GALNT12: variants seen among roughly 807,000 people sequenced by gnomAD.
GALNT12 encodes UDP-GalNAc:polypeptide N-acetylgalactosaminyltransferase 12.
In GALNT12, 45 loss-of-function variants were observed where a neutral mutation model predicts 55.5. That is an observed-to-expected ratio of 0.81 (90% CI 0.64 to 1.04). GALNT12 has a LOEUF of 1.04. Among genes scored for constraint, GALNT12 ranks in the 50% least tolerant of loss-of-function variants. The probability of loss-of-function intolerance (pLI) is 0.00; values close to 1 mark genes in which losing one functional copy is unlikely to be tolerated. For missense variants in GALNT12, 709 were observed against 754.8 expected, an observed-to-expected ratio of 0.94 and a Z score of 0.71; for synonymous variants, 304 against 312.2, an observed-to-expected ratio of 0.97 and a Z score of 0.28.
chr9:98,832,187 A>G (rs1836015522), intron 4 of GALNT12, among the ~76,000 whole-genome samples: 1 of 152,212 alleles, frequency 6.6e-6, no homozygotes, highest in African/African-American at 2.4e-5. Context: ...GTGGTAAAAT[A>G]TACATCATAG....
rs2118450955 is a variant in GALNT12, at chr9:98,837,032, C to T, written c.1096C>T (p.Pro366Ser). ...HPCSHVGHVF[P>S]KQAPYSRNKA... ...ATGTTCCCATGTTGGCCATGTTTTC[C>T]CCAAGCAAGCTCCCTACTCCCGCAA... Residue 366 changes from proline to serine, a missense_variant, in exon 6 of 10, where the codon CCC becomes TCC. Transcript: ENST00000375011. 2 of 1,614,150 alleles carry T rather than the reference C, an allele frequency of 1.2e-6. No homozygotes were observed. Among genetic ancestry groups the T allele is most frequent in the South Asian group, 1.1e-5 (1 of 91,082 alleles).
rs1836493728 is a variant in GALNT12, at chr9:98,849,194, C to T, written c.*102C>T. On this transcript the variant is annotated 3_prime_UTR_variant, in exon 10 of 10. Transcript: ENST00000375011. ...TGACCAGAACCCACCAAAAACTAGG[C>T]TGCATTGCTTTGAAGAGGCAATCAT... 1.6e-6 allele frequency: 2 copies of T among 1,220,946 alleles called. No homozygotes were observed. Among genetic ancestry groups the T allele is most frequent in the Non-Finnish European group, 2.4e-6 (2 of 831,544 alleles). The allele number at this position is 1,220,946 out of a possible 1,614,324, so 75.6% of individuals were successfully genotyped here.
At chr9:98,841,374 C>T (rs1405922943) in intron 7 of GALNT12, among the ~76,000 whole-genome samples, 2 of 152,144 alleles carry the variant, frequency 1.3e-5, no homozygotes, top group Non-Finnish European at 2.9e-5. Context: ...ATATCAGGAG[C>T]ATAGGAAGTA....
At chr9:98,823,161 C>T in intron 1 of GALNT12, 95 bp from the exon 2 acceptor site, 1 of 1,132,828 alleles carries the variant, frequency 8.8e-7, no homozygotes, top group Non-Finnish European at 1.3e-6. Flanking sequence ...TGTCCCCTTC[C>T]GCAGGGGACC....
intron 3 of GALNT12, among the ~76,000 whole-genome samples, chr9:98,829,467 G>C (rs1047997369): frequency 6.6e-6 from 1 of 152,134 alleles, no homozygotes; most frequent in African/African-American, 2.4e-5. Flanking sequence ...GGGATTACAG[G>C]CATGAACCAC....
chr9:98,813,479 G>A (rs553880747), intron 1 of GALNT12, among the ~76,000 whole-genome samples: 56 of 151,720 alleles, frequency 3.7e-4, no homozygotes, highest in African/African-American at 1.2e-3. Context: ...CTTTCCTGTC[G>A]GCTAAGCCAT....
chr9:98,846,934 T>C (rs1357929869), intron 9 of GALNT12, among the ~76,000 whole-genome samples: 1 of 152,068 alleles, frequency 6.6e-6, no homozygotes, highest in East Asian at 1.9e-4. Context: ...GAAATATTCT[T>C]TGGAAACTAT....
Position 98,831,907 on chromosome 9 carries a change from A to G in GALNT12, c.867A>G (p.Thr289=), listed in dbSNP as rs762111226. 2.5e-6 allele frequency: 4 copies of G among 1,614,154 alleles called. No individual in the cohort carries two copies. The highest frequency in any genetic ancestry group is 2.2e-5 in the South Asian group (2 of 91,076). The change falls in exon 4 of 10, where the codon ACA becomes ACG. Residue 289 remains threonine (T), a synonymous_variant. Coordinates refer to ENST00000375011, the MANE Select transcript of GALNT12 (RefSeq NM_024642.5). ...FDWRLVFTWH[T]VPERERIRMQ... ...GGAGGCTGGTGTTCACGTGGCACAC[A>G]GTTCCTGAGAGGGAGAGGATACGGA...
Position 98,823,292 on chromosome 9 carries a change from C to G in GALNT12, c.408C>G (p.Pro136=), listed in dbSNP as rs2118354751. Residue 136 remains proline (P), a synonymous_variant, in exon 2 of 10, where the codon CCC becomes CCG. Transcript: ENST00000375011. ...AGAAATATGATTATGATAATTTGCC[C>G]AGGACATCTGTTATCATAGCATTTT... ...KEKKYDYDNL[P]RTSVIIAFYN... The G allele has an allele frequency of 1.2e-6, 2 of 1,614,152 alleles. No individual in the cohort carries two copies. The highest frequency in any genetic ancestry group is 1.7e-6 in the Non-Finnish European group (2 of 1,179,956).
chr9:98,824,367 C>A (rs1300720375), intron 2 of GALNT12, among the ~76,000 whole-genome samples: 1 of 152,118 alleles, frequency 6.6e-6, no homozygotes, highest in East Asian at 1.9e-4. Flanking sequence ...TCACCTCCTA[C>A]TCACTCTGGT....
chr9:98,844,058 A>G, intron 7 of GALNT12, 38 bp from the exon 8 acceptor site: 2 of 1,425,294 alleles, frequency 1.4e-6, no homozygotes, highest in South Asian at 2.3e-5. Context: ...TAGTGTCTAT[A>G]AATCTGGACT....
chr9:98,815,343 C>T (rs867234950), intron 1 of GALNT12, among the ~76,000 whole-genome samples: 1 of 152,078 alleles, frequency 6.6e-6, no homozygotes, highest in Non-Finnish European at 1.5e-5. Flanking sequence ...TGATTTTGCC[C>T]AACTATAGAC....
rs1316883841 is a variant in GALNT12, at chr9:98,831,798, T to C, written c.758T>C (p.Val253Ala). 2.0e-5 allele frequency: 33 copies of C among 1,614,064 alleles called. No individual in the cohort carries two copies. Among genetic ancestry groups the C allele is most frequent in the Non-Finnish European group, 2.7e-5 (32 of 1,180,038 alleles). ...ATCCATGAAGAGGAGTCGGCAGTGGTGTGCCCGGTGATTGATGTGATCGAC... is the reference window on the plus strand; with the variant it reads ...ATCCATGAAGAGGAGTCGGCAGTGGCGTGCCCGGTGATTGATGTGATCGAC... ...QRIHEEESAVVCPVIDVIDWN... is the reference protein window; with the variant it reads ...QRIHEEESAVACPVIDVIDWN... The change falls in exon 4 of 10, where the codon GTG becomes GCG. Residue 253 changes from valine (V) to alanine (A), a missense_variant. This residue lies in a region of GALNT12 where 315 missense variants were observed against 288.6 expected (regional missense o/e 1.09). Coordinates refer to ENST00000375011, the MANE Select transcript of GALNT12 (RefSeq NM_024642.5).
chr9:98,832,082 T>A (rs1260964773), intron 4 of GALNT12, 125 bp downstream of exon 4: 10 of 791,818 alleles, frequency 1.3e-5, no homozygotes, highest in Admixed American at 2.0e-5. Context: ...CTCTTCCCAC[T>A]TTTTTGCCCA....
chr9:98,849,165 G>C lies in GALNT12; in HGVS notation c.*73G>C. The C allele has an allele frequency of 6.5e-7, 1 of 1,539,122 alleles. No homozygotes were observed. Among genetic ancestry groups the C allele is most frequent in the Non-Finnish European group, 9.0e-7 (1 of 1,114,120 alleles). On this transcript the variant is annotated 3_prime_UTR_variant, in exon 10 of 10. Coordinates refer to ENST00000375011, the MANE Select transcript of GALNT12 (RefSeq NM_024642.5). Reference sequence around the variant, plus strand: ...CTCTGCCCAACAAAGACTTAGCTAAGCAGTGACCAGAACCCACCAAAAACT... The same window carrying C: ...CTCTGCCCAACAAAGACTTAGCTAACCAGTGACCAGAACCCACCAAAAACT...
chr9:98,841,558 T>G (rs1404347975), intron 7 of GALNT12, among the ~76,000 whole-genome samples: 6 of 152,244 alleles, frequency 3.9e-5, no homozygotes, highest in African/African-American at 1.2e-4. Context: ...TTCTCTTTCA[T>G]TTCTTCCACA....
rs1304031845 is a variant in GALNT12 at position 98,831,797 on chromosome 9, G to A, written c.757G>A (p.Val253Met). 2.5e-6 allele frequency: 4 copies of A among 1,614,084 alleles called. No homozygotes were observed. The highest frequency in any genetic ancestry group is 2.7e-5 in the African/African-American group (2 of 74,920). ...QRIHEEESAV[V>M]CPVIDVIDWN... is the part of the protein sequence containing the mutation. ...GATCCATGAAGAGGAGTCGGCAGTG[G>A]TGTGCCCGGTGATTGATGTGATCGA... The change falls in exon 4 of 10, where the codon GTG becomes ATG. Residue 253 changes from valine (V) to methionine (M), a missense_variant. By Grantham distance (21) the Val-to-Met change is conservative. Around this residue, in one of 5 missense-constraint regions of GALNT12, gnomAD observed 315 missense variants for 288.6 expected, o/e 1.09. Transcript: ENST00000375011.
chr9:98,826,748 C>CA lies in GALNT12; in HGVS notation c.542-4_542-3insA. On this transcript the variant is annotated splice_region_variant and splice_polypyrimidine_tract_variant and intron_variant, in intron 2 of 9. Transcript: ENST00000375011. ...GACCCCTGTTGCTTTGTTTGCCTCC[C>CA]TAGAGCACCTGAAGGAGCGCTTGGC... 2 of 1,610,578 alleles carry CA rather than the reference C, an allele frequency of 1.2e-6. No homozygotes were observed. Among genetic ancestry groups the CA allele is most frequent in the Non-Finnish European group, 1.7e-6 (2 of 1,179,490 alleles).
chr9:98,839,449 C>T (rs1588455415), intron 6 of GALNT12, among the ~76,000 whole-genome samples: 1 of 152,222 alleles, frequency 6.6e-6, no homozygotes, highest in East Asian at 1.9e-4. Flanking sequence ...TTCAAAAGCT[C>T]TCAGTCATTA....
Sources: gnomAD v4.1 joint callset for allele counts (sites outside exome capture counted in the v4.1 genomes callset) on GRCh38, gnomAD v4.1.1 for gene constraint, gnomAD v4.1.1 regional missense constraint, MANE v1.5 for transcripts, NCBI Gene and HGNC (gene_info 2026-07-23, HGNC 2026-07-21) for gene names.